Variants in NBPF10 observed in about 807,000 individuals in gnomAD.
The protein encoded by NBPF10 is NBPF family member NBPF10.
A neutral mutation model predicts 77.9 loss-of-function variants in NBPF10; 63 were observed. The observed-to-expected ratio is 0.81, with a 90% CI of 0.66 to 1.00. The LOEUF (loss-of-function observed/expected upper bound fraction) is 1.00, where lower values mean the gene tolerates loss of function less well. Ranked by LOEUF, NBPF10 falls within the 50% of genes least tolerant of loss-of-function variation. The pLI is 0.00. For synonymous variants in NBPF10, 146 were observed against 264.5 expected, an observed-to-expected ratio of 0.55 and a Z score of 4.35; for missense variants, 522 against 679.8, an observed-to-expected ratio of 0.77 and a Z score of 2.58.
At chr1:146,076,294 C>CAG (rs1162639432) in intron 77 of NBPF10, among the ~76,000 whole-genome samples, 197 of 13,002 alleles carry the variant, frequency 0.015, no homozygotes, top group Non-Finnish European at 0.04. Flanking sequence ...CACACACACA[C>CAG]ACACACACAG....
chr1:146,135,393 G>A lies in NBPF10; in HGVS notation c.1220C>T (p.Pro407Leu), dbSNP rs782197782. The A allele has an allele frequency of 2.0e-5, 27 of 1,331,646 alleles. 4 individuals are homozygous for A. The highest frequency in any genetic ancestry group is 9.2e-5 in the East Asian group (4 of 43,548). The allele number at this position is 1,331,646 out of a possible 1,614,324, so 82.5% of individuals were successfully genotyped here. The change falls in exon 8 of 90, where the codon CCG (proline) becomes CTG (leucine). Residue 407 changes from proline (P) to leucine (L), a missense_variant. Around this residue, in one of 9 missense-constraint regions of NBPF10, gnomAD observed 45 missense variants for 121.0 expected, o/e 0.37. Transcript: ENST00000583866. ...GAGGTCCTGCCCCTGGGACTTGTCC[G>A]GCTCATACGGAGTGAGGAGGGCCTG... is the stretch of plus-strand genomic sequence containing the variant.
At chr1:146,067,488 G>C (rs1571103084) in intron 88 of NBPF10, among the ~76,000 whole-genome samples, 200 bp from the exon 89 acceptor site, 1 of 143,154 alleles carries the variant, frequency 7.0e-6, no homozygotes, top group South Asian at 2.3e-4. Flanking sequence ...TGGGTAAAAT[G>C]TCCCTATTCT....
chr1:146,073,143 C>T lies in NBPF10; in HGVS notation c.10131-242G>A, dbSNP rs1198599116. 4.4e-5 allele frequency among the ~76,000 whole-genome samples: 3 copies of T among 68,868 alleles called. 1 individual carries two copies. The highest frequency in any genetic ancestry group is 3.0e-4 in the East Asian group (1 of 3,358). The allele number at this position is 68,868 out of a possible 152,430, so 45.2% of individuals were successfully genotyped here. On this transcript the variant is annotated intron_variant, in intron 81 of 89. Coordinates refer to ENST00000583866, the Ensembl canonical transcript of NBPF10. ...GAGAAAGTGAGCTCAGCGAATTGGC[C>T]GGGTGACACACTGATGAAGGGGTCA...
At position 146,126,222 on chromosome 1, in the gene NBPF10, A is replaced by T; in HGVS notation, c.2026+14T>A. The stretch of plus-strand genomic sequence containing the variant: ...CTCAGTGGATCCTTATCACCTTCAT[A>T]GAAAGGTACTCACCATCCATGTCAA... On this transcript the variant is annotated intron_variant, in intron 14 of 89. Transcript: ENST00000583866. 1.3e-6 allele frequency: 2 copies of T among 1,575,392 alleles called. No individual in the cohort carries two copies. The highest frequency in any genetic ancestry group is 2.2e-5 in the South Asian group (2 of 90,162).
chr1:146,067,601 G>T (rs1489385058), intron 88 of NBPF10, among the ~76,000 whole-genome samples: 2 of 150,374 alleles, frequency 1.3e-5, no homozygotes, highest in African/African-American at 4.9e-5. Flanking sequence ...ATTTCTAGGA[G>T]AAAAACTGCA....
At position 146,125,897 on chromosome 1, in the gene NBPF10, C is replaced by T. The variant is rs77660370; in HGVS notation, c.2026+339G>A. On this transcript the variant is annotated intron_variant, in intron 14 of 89. Transcript: ENST00000583866. ...TGTTCATGGTAGCGAGGATTTTAGA[C>T]GCTGAAATTAGAGTAAAGGATGAAA... is the stretch of plus-strand genomic sequence containing the variant. 1.5e-4 allele frequency among the ~76,000 whole-genome samples: 22 copies of T among 151,354 alleles called. 1 individual carries two copies. Among genetic ancestry groups the T allele is most frequent in the Admixed American group, 7.9e-4 (12 of 15,248 alleles).
At chr1:146,069,278 T>A (rs1553779202) in intron 86 of NBPF10, among the ~76,000 whole-genome samples, 1 of 89,412 alleles carries the variant, frequency 1.1e-5, no homozygotes. Context: ...TGTGAATTTG[T>A]CACATCTGCC....
chr1:146,140,294 G>A (rs1159413023), intron 4 of NBPF10, among the ~76,000 whole-genome samples, 190 bp downstream of exon 4: 1 of 127,626 alleles, frequency 7.8e-6, no homozygotes, highest in Non-Finnish European at 1.8e-5. Flanking sequence ...GCATGGTACA[G>A]ACATGACACT....
chr1:146,142,618 C>T lies in NBPF10; in HGVS notation c.278+32G>A, dbSNP rs782187004. On this transcript the variant is annotated intron_variant, in intron 2 of 89. Coordinates refer to ENST00000583866, the Ensembl canonical transcript of NBPF10. ...TGTACTTCAGAGATCTACACACCTA[C>T]CCGCCTGCCTCCCCCTATGGGGTCC... The T allele has an allele frequency of 5.1e-5, 60 of 1,184,592 alleles. 18 individuals are homozygous for T. The highest frequency in any genetic ancestry group is 7.1e-5 in the Non-Finnish European group (59 of 830,730). 73.4% of individuals were successfully genotyped at this position (1,184,592 alleles called of 1,614,324 possible).
intron 14 of NBPF10, among the ~76,000 whole-genome samples, chr1:146,125,803 C>T (rs1455263427): frequency 1.1e-4 from 17 of 148,260 alleles, no homozygotes; most frequent in Admixed American, 7.4e-4. Context: ...CGATTTAAAG[C>T]AAATGCCCCC....
chr1:146,141,790 C>T lies in NBPF10; in HGVS notation c.307G>A (p.Glu103Lys). ...TCCCTTAGCTGGGTCAGCTCTCGTT[C>T]CTGAGAGTGAACTAGGACTTTATAT... Residue 103 changes from glutamate to lysine, a missense_variant, in exon 3 of 90, where the codon GAA becomes AAA. Coordinates refer to ENST00000583866, the Ensembl canonical transcript of NBPF10. The T allele has an allele frequency of 5.2e-6, 7 of 1,341,888 alleles. 1 individual carries two copies. The highest frequency in any genetic ancestry group is 7.2e-6 in the Non-Finnish European group (7 of 974,434). 83.1% of individuals were successfully genotyped at this position (1,341,888 alleles called of 1,614,324 possible). A position where few individuals can be genotyped will look rare whatever the true frequency, so the allele number is the denominator to read the frequency against.
intron 71 of NBPF10, among the ~76,000 whole-genome samples, chr1:146,081,028 CACAGAGAGAGAGAG>C (rs1656266317): frequency 1.1e-4 from 7 of 63,180 alleles, no homozygotes; most frequent in Non-Finnish European, 1.8e-4. Flanking sequence ...CACACACACA[CACAGAGAGAGAGAG>C]AGAGAACGAG....
intron 89 of NBPF10, 118 bp downstream of exon 89, chr1:146,067,062 C>T: frequency 1.8e-6 from 1 of 569,012 alleles, no homozygotes; most frequent in Non-Finnish European, 3.2e-6. Context: ...ACAGCAATGA[C>T]AGTAGGAGTA....
intron 15 of NBPF10, among the ~76,000 whole-genome samples, chr1:146,125,076 G>T (rs1262146929): frequency 1.4e-5 from 1 of 73,964 alleles, no homozygotes; most frequent in East Asian, 2.8e-4. Flanking sequence ...GAGAGAGAGA[G>T]AGAGAGGAGA....
At chr1:146,137,020 C>CT (rs1659785370) in intron 6 of NBPF10, among the ~76,000 whole-genome samples, 14 of 110,152 alleles carry the variant, frequency 1.3e-4, no homozygotes, top group East Asian at 2.5e-4. Flanking sequence ...TGCCCAAATG[C>CT]TAATAAAGTT....
At chr1:146,126,632 C>CAG (rs1658722193) in intron 13 of NBPF10, among the ~76,000 whole-genome samples, 1 of 127,674 alleles carries the variant, frequency 7.8e-6, no homozygotes, top group African/African-American at 2.6e-5. Flanking sequence ...CACACACACA[C>CAG]ACAGAGCGAG....
exon 14 of NBPF10, chr1:146,126,260 C>T (rs782818140): frequency 5.0e-6 from 8 of 1,608,580 alleles, no homozygotes; most frequent in Non-Finnish European, 6.8e-6. Context: ...GCCAAGCCAA[C>T]ACGCTGTTGC....
intron 5 of NBPF10, among the ~76,000 whole-genome samples, chr1:146,139,014 G>A (rs185903015): frequency 9.9e-5 from 11 of 111,486 alleles, no homozygotes; most frequent in African/African-American, 3.5e-4. Context: ...GAACTCCTGA[G>A]CTCAGGTGTT....
chr1:146,126,675 G>A (rs1553790196), intron 13 of NBPF10, among the ~76,000 whole-genome samples: 1 of 145,722 alleles, frequency 6.9e-6, no homozygotes, highest in African/African-American at 2.5e-5. Context: ...ACACTGATGA[G>A]GGAGTCAAAG....
Sources: gnomAD v4.1 joint callset for allele counts (sites outside exome capture counted in the v4.1 genomes callset) on GRCh38, gnomAD v4.1.1 for gene constraint, gnomAD v4.1.1 regional missense constraint, MANE v1.5 for transcripts, NCBI Gene and HGNC (gene_info 2026-07-23, HGNC 2026-07-21) for gene names.